The following ALDH5A1 variants were observed in gnomAD, a reference collection of about 807,000 sequenced individuals.
The protein encoded by ALDH5A1 is succinate-semialdehyde dehydrogenase, mitochondrial.
ALDH5A1 carries 33 observed loss-of-function variants against 54.7 expected under a neutral mutation model. The observed-to-expected ratio is 0.60, with a 90% confidence interval of 0.46 to 0.81. The LOEUF (loss-of-function observed/expected upper bound fraction) is 0.81. Among genes scored for constraint, ALDH5A1 ranks in the 30% least tolerant of loss-of-function variants. ALDH5A1 has a pLI of 0.00. For synonymous variants in ALDH5A1, 294 were observed against 292.7 expected (o/e 1.00, Z -0.05); for missense variants, 657 against 711.0 (o/e 0.92, Z 0.86).
chr6:24,516,420 G>A (rs1320615520), intron 5 of ALDH5A1, among the ~76,000 whole-genome samples: 7 of 112,760 alleles, frequency 6.2e-5, no homozygotes, highest in African/African-American at 1.1e-4. Context: ...CAGCCTGGGC[G>A]ACAGAGTGAG....
chr6:24,495,389 G>A, intron 1 of ALDH5A1, 39 bp downstream of exon 1: 1 of 1,525,192 alleles, frequency 6.6e-7, no homozygotes, highest in African/African-American at 1.4e-5. Context: ...AGCTGGCCGG[G>A]GACACGGCGG....
chr6:24,530,648 A>C (rs949989796), intron 8 of ALDH5A1, among the ~76,000 whole-genome samples: 2 of 152,130 alleles, frequency 1.3e-5, no homozygotes, highest in Admixed American at 1.3e-4. Context: ...CCACTCCTCC[A>C]CCCCAAGTAT....
intron 4 of ALDH5A1, chr6:24,511,852 A>G (rs769868131): frequency 5.2e-6 from 3 of 578,690 alleles, no homozygotes; most frequent in Non-Finnish European, 6.3e-6. Context: ...TTTCTTCTTG[A>G]TTTGGATCCA....
At chr6:24,517,447 CT>C (rs1383972614) in intron 5 of ALDH5A1, among the ~76,000 whole-genome samples, 28 of 152,330 alleles carry the variant, frequency 1.8e-4, no homozygotes, top group African/African-American at 6.0e-4. Context: ...TGCTATGCCC[CT>C]GATCAGTGGG....
chr6:24,522,144 C>T (rs549485167), intron 6 of ALDH5A1, among the ~76,000 whole-genome samples: 37 of 152,080 alleles, frequency 2.4e-4, no homozygotes, highest in African/African-American at 8.9e-4. Flanking sequence ...CTGCGCCCAG[C>T]CAAAAAAAAT....
intron 1 of ALDH5A1, among the ~76,000 whole-genome samples, chr6:24,501,939 GTATA>G (rs1234028952): frequency 7.2e-5 from 9 of 125,738 alleles, no homozygotes; most frequent in African/African-American, 3.2e-4. Context: ...GTGTGTGTGT[GTATA>G]TATATATGTG....
intron 8 of ALDH5A1, 200 bp from the exon 9 acceptor site, chr6:24,531,919 A>G (rs1759944170): frequency 6.4e-6 from 4 of 628,358 alleles, no homozygotes; most frequent in Admixed American, 2.3e-5. Flanking sequence ...TGAAGCCAGT[A>G]TTGATTTGAG....
At position 24,503,319 on chromosome 6, in the gene ALDH5A1, G is replaced by T. The variant is rs1356741492; in HGVS notation, c.495G>T (p.Glu165Asp). 2 of 1,614,122 alleles carry T rather than the reference G, an allele frequency of 1.2e-6. No homozygotes were observed. Reference protein sequence around the residue: ...GEILYSAFFLEWFSEEARRVY... With the variant: ...GEILYSAFFLDWFSEEARRVY... ...TTCTCTATTCCGCCTTTTTCCTAGA[G>T]TGGTTCTCTGAGGAAGCCCGCCGTG... Residue 165 changes from glutamate to aspartate, a missense_variant, in exon 3 of 10, where the codon GAG becomes GAT. Glu to Asp is a conservative substitution (Grantham distance 45, BLOSUM62 2). Transcript: ENST00000357578.
In ALDH5A1 at chr6:24,533,756, C is replaced by T; in HGVS notation, c.*44C>T. The T allele has an allele frequency of 6.5e-7, 1 of 1,538,714 alleles. No individual in the cohort carries two copies. The highest frequency in any genetic ancestry group is 9.0e-7 in the Non-Finnish European group (1 of 1,113,804). On this transcript the variant is annotated 3_prime_UTR_variant, in exon 10 of 10. Transcript: ENST00000357578. ...AAAAATTTAAAAGGAGACTTATCTA[C>T]ATATATAGGTACATGCCATCCATTA...
chr6:24,508,515 T>C (rs1759404468), intron 4 of ALDH5A1, among the ~76,000 whole-genome samples: 1 of 152,114 alleles, frequency 6.6e-6, no homozygotes, highest in Non-Finnish European at 1.5e-5. Flanking sequence ...TATCCACTTG[T>C]TGATTGATGG....
rs975150094 is a variant in ALDH5A1, at chr6:24,534,840, A to C, written c.*1128A>C. ...GCTCCCTCACCTCCAAAAGAGCAAAAGTACTTTCACCACAGTCAACCCAAA... is the reference window on the plus strand; with the variant it reads ...GCTCCCTCACCTCCAAAAGAGCAAACGTACTTTCACCACAGTCAACCCAAA... On this transcript the variant is annotated 3_prime_UTR_variant, in exon 10 of 10. Coordinates refer to ENST00000357578, the MANE Select transcript of ALDH5A1 (RefSeq NM_001080.3). 1 of 152,222 alleles carries C rather than the reference A, an allele frequency of 6.6e-6. No individual in the cohort carries two copies. Among genetic ancestry groups the C allele is most frequent in the Non-Finnish European group, 1.5e-5 (1 of 68,062 alleles). 9.4% of individuals were successfully genotyped at this position (152,222 alleles called of 1,614,324 possible). A position where few individuals can be genotyped will look rare whatever the true frequency, so the allele number is the denominator to read the frequency against.
chr6:24,506,214 T>G (rs1203580771), intron 4 of ALDH5A1, among the ~76,000 whole-genome samples: 1 of 149,458 alleles, frequency 6.7e-6, no homozygotes, highest in Non-Finnish European at 1.5e-5. Flanking sequence ...TATTTTATAT[T>G]ATATCTGCAC....
chr6:24,530,169 G>GT (rs1413103275), intron 8 of ALDH5A1, among the ~76,000 whole-genome samples: 4 of 151,216 alleles, frequency 2.6e-5, no homozygotes, highest in Non-Finnish European at 4.4e-5. Context: ...CCTTCTGCGA[G>GT]TCCCTCCCCT....
At chr6:24,525,612 G>A (rs1467676345) in intron 7 of ALDH5A1, among the ~76,000 whole-genome samples, 1 of 152,122 alleles carries the variant, frequency 6.6e-6, no homozygotes, top group African/African-American at 2.4e-5. Context: ...GGAGGCGGGG[G>A]CAAGAGAATC....
chr6:24,496,897 G>T (rs894824157), intron 1 of ALDH5A1, among the ~76,000 whole-genome samples: 2 of 152,098 alleles, frequency 1.3e-5, no homozygotes, highest in African/African-American at 4.8e-5. Context: ...TTAGGACTTC[G>T]ACATGTCAAT....
chr6:24,522,453 TG>T (rs1332303715), intron 6 of ALDH5A1, among the ~76,000 whole-genome samples: 1 of 120,310 alleles, frequency 8.3e-6, no homozygotes, highest in Non-Finnish European at 2.0e-5. Context: ...AAACATGGAT[TG>T]GGTGGCTTTT....
At position 24,504,968 on chromosome 6, in the gene ALDH5A1, G is replaced by T. The variant is rs62621664; in HGVS notation, c.709G>T (p.Ala237Ser). Residue 237 changes from alanine (A) to serine (S), a missense_variant, in exon 4 of 10, where the codon GCC (alanine) becomes TCC (serine). Ala to Ser is a moderately conservative substitution (Grantham distance 99). This residue lies in a region of ALDH5A1 where 425 missense variants were observed against 516.4 expected (regional missense o/e 0.82). Transcript: ENST00000357578. ...VKPAEDTPFSALALAELASQA... is the reference protein window; with the variant it reads ...VKPAEDTPFSSLALAELASQA... ...GCCTGCCGAAGACACGCCCTTCTCC[G>T]CCCTGGCCCTGGCTGAGGTGAGCCG... The T allele has an allele frequency of 0.014, 23,089 of 1,614,082 alleles. 231 individuals are homozygous for T. The highest frequency in any genetic ancestry group is 0.017 in the Middle Eastern group (103 of 6,062).
At chr6:24,513,366 CTT>C (rs1233460859) in intron 4 of ALDH5A1, among the ~76,000 whole-genome samples, 1 of 152,124 alleles carries the variant, frequency 6.6e-6, no homozygotes, top group Non-Finnish European at 1.5e-5. Flanking sequence ...CACCCAGCCT[CTT>C]TTCTTTTAAC....
chr6:24,529,035 A>AT (rs1167309740), intron 8 of ALDH5A1, among the ~76,000 whole-genome samples: 2 of 152,148 alleles, frequency 1.3e-5, no homozygotes, highest in Non-Finnish European at 2.9e-5. Context: ...ATTGGCCTCC[A>AT]TAGGACATGA....
Sources: gnomAD v4.1 joint callset for allele counts (sites outside exome capture counted in the v4.1 genomes callset) on GRCh38, gnomAD v4.1.1 for gene constraint, gnomAD v4.1.1 regional missense constraint, MANE v1.5 for transcripts, NCBI Gene and HGNC (gene_info 2026-07-23, HGNC 2026-07-21) for gene names.